SORCS3: variants seen among roughly 807,000 people sequenced by gnomAD.
The protein encoded by SORCS3 is sortilin related VPS10 domain containing receptor 3.
SORCS3 carries 57 observed loss-of-function variants against 146.3 expected under a neutral mutation model. The observed-to-expected ratio is 0.39, with a 90% CI of 0.31 to 0.49. The LOEUF (loss-of-function observed/expected upper bound fraction) is 0.49, where lower values mean the gene tolerates loss of function less well. SORCS3 is among the 20% of genes least tolerant of loss of function. The pLI, the probability that SORCS3 is intolerant of heterozygous loss-of-function variation, is 0.92. For synonymous variants in SORCS3, 653 were observed against 618.5 expected (o/e 1.06, Z -0.83); for missense variants, 1,341 against 1,575.5 (o/e 0.85, Z 2.52).
rs1171831402 is a variant in SORCS3, at chr10:105,216,984, G to T, written c.2596G>T (p.Ala866Ser). 3.1e-6 allele frequency: 5 copies of T among 1,614,190 alleles called. No individual in the cohort carries two copies. The highest frequency in any genetic ancestry group is 3.4e-6 in the Non-Finnish European group (4 of 1,180,032). Reference sequence around the variant, plus strand: ...CCAGCTTGACTTTGGGGATGGGATTGCTGTGTCCTACGCAAACTTCAGCCC... The same window carrying T: ...CCAGCTTGACTTTGGGGATGGGATTTCTGTGTCCTACGCAAACTTCAGCCC... ...NIQLDFGDGIAVSYANFSPIE... is the reference protein window; with the variant it reads ...NIQLDFGDGISVSYANFSPIE... Residue 866 changes from alanine (A) to serine (S), a missense_variant, in exon 19 of 27, where the codon GCT becomes TCT. Coordinates refer to ENST00000369701, the MANE Select transcript of SORCS3 (RefSeq NM_014978.3).
At chr10:104,779,217 AT>A (rs1196851723) in intron 1 of SORCS3, among the ~76,000 whole-genome samples, 3 of 152,216 alleles carry the variant, frequency 2.0e-5, no homozygotes, top group African/African-American at 7.2e-5. Context: ...TGCAAGACCC[AT>A]TCTGGACTTT....
chr10:105,096,958 A>G (rs935996018), intron 6 of SORCS3, among the ~76,000 whole-genome samples: 1 of 152,180 alleles, frequency 6.6e-6, no homozygotes, highest in Non-Finnish European at 1.5e-5. Context: ...TCACTTTTCT[A>G]TTTACTTTTA....
chr10:104,987,095 C>A (rs766789188), intron 4 of SORCS3, among the ~76,000 whole-genome samples: 10 of 151,586 alleles, frequency 6.6e-5, no homozygotes, highest in Non-Finnish European at 1.5e-4. Context: ...TAAATATATA[C>A]AACTGCGTAC....
chr10:105,235,031 A>G (rs1664554387), intron 20 of SORCS3, among the ~76,000 whole-genome samples: 1 of 152,056 alleles, frequency 6.6e-6, no homozygotes, highest in African/African-American at 2.4e-5. Flanking sequence ...TCAACCTGTG[A>G]TTAGTTCTCA....
chr10:105,243,233 A>G (rs1036570807), intron 20 of SORCS3, among the ~76,000 whole-genome samples: 3 of 151,728 alleles, frequency 2.0e-5, no homozygotes, highest in Non-Finnish European at 4.4e-5. Context: ...CCATTTGTCA[A>G]TGCAACATTC....
At chr10:105,056,316 TA>T (rs555666076) in intron 5 of SORCS3, among the ~76,000 whole-genome samples, 4 of 152,206 alleles carry the variant, frequency 2.6e-5, no homozygotes, top group Non-Finnish European at 5.9e-5. Context: ...TTCTACTCAG[TA>T]AGTGCCTTCT....
intron 4 of SORCS3, among the ~76,000 whole-genome samples, chr10:104,981,978 T>C (rs376271965): frequency 6.8e-4 from 104 of 152,308 alleles, no homozygotes; most frequent in African/African-American, 2.4e-3. Context: ...GAATTGCCCA[T>C]AATTTTGATG....
At chr10:105,102,129 G>A (rs957042624) in intron 6 of SORCS3, among the ~76,000 whole-genome samples, 2 of 152,182 alleles carry the variant, frequency 1.3e-5, no homozygotes, top group Non-Finnish European at 2.9e-5. Context: ...TTGCTACAGG[G>A]TCAGGGAATG....
rs1376209468 is a variant in SORCS3, at chr10:104,742,100, G to A, written c.627+100146G>A. Reference sequence around the variant, plus strand: ...GCAGGCTTTCTCTTATATCATGATAGTGGTGGGGGACAGGGGAGGGGAGGT... The same window carrying A: ...GCAGGCTTTCTCTTATATCATGATAATGGTGGGGGACAGGGGAGGGGAGGT... On this transcript the variant is annotated intron_variant, in intron 1 of 26. Transcript: ENST00000369701. Among the ~76,000 whole-genome samples, 3 of 151,954 alleles carry A rather than the reference G, an allele frequency of 2.0e-5. No homozygotes were observed. The East Asian group carries it at 5.8e-4, about 29-fold the overall frequency.
At chr10:105,162,329 C>T (rs1290686318) in intron 11 of SORCS3, among the ~76,000 whole-genome samples, 1 of 152,156 alleles carries the variant, frequency 6.6e-6, no homozygotes, top group Admixed American at 6.5e-5. Flanking sequence ...ACTCTCCCTC[C>T]TCTCTCATCA....
At chr10:105,083,553 T>A (rs2055639471) in intron 5 of SORCS3, among the ~76,000 whole-genome samples, 1 of 152,136 alleles carries the variant, frequency 6.6e-6, no homozygotes, top group South Asian at 2.1e-4. Flanking sequence ...CTCTTACACA[T>A]GCCTCACCTC....
chr10:104,902,872 G>T (rs1223129852), intron 2 of SORCS3, among the ~76,000 whole-genome samples: 1 of 152,178 alleles, frequency 6.6e-6, no homozygotes, highest in East Asian at 1.9e-4. Flanking sequence ...GTTGCTAGTA[G>T]GTAGGAGAGC....
chr10:104,819,742 T>C (rs750164231), intron 1 of SORCS3, among the ~76,000 whole-genome samples: 2 of 152,204 alleles, frequency 1.3e-5, no homozygotes, highest in Non-Finnish European at 2.9e-5. Flanking sequence ...AACTAGGGCC[T>C]GACATCTAAG....
chr10:104,854,884 GT>G (rs1421950242), intron 2 of SORCS3, among the ~76,000 whole-genome samples: 1 of 152,070 alleles, frequency 6.6e-6, no homozygotes, highest in Admixed American at 6.5e-5. Context: ...ACTTTTTTGT[GT>G]ATCAATACTT....
At chr10:104,985,913 G>A (rs772819398) in intron 4 of SORCS3, among the ~76,000 whole-genome samples, 3 of 152,182 alleles carry the variant, frequency 2.0e-5, no homozygotes, top group Non-Finnish European at 4.4e-5. Context: ...CATTTATAGA[G>A]CACAGGCAGA....
chr10:104,814,004 T>A (rs1030864295), intron 1 of SORCS3, among the ~76,000 whole-genome samples: 3 of 151,598 alleles, frequency 2.0e-5, no homozygotes, highest in African/African-American at 7.3e-5. Flanking sequence ...TTTCCCCCTA[T>A]TCCAGAGTCA....
chr10:105,022,771 C>T (rs138469516), intron 4 of SORCS3, among the ~76,000 whole-genome samples: 129 of 152,126 alleles, frequency 8.5e-4, no homozygotes, highest in African/African-American at 3.0e-3. Context: ...CCAGTAAGCC[C>T]AAAATGAGTT....
At chr10:105,075,325 G>C (rs985646154) in intron 5 of SORCS3, among the ~76,000 whole-genome samples, 7 of 152,166 alleles carry the variant, frequency 4.6e-5, no homozygotes, top group Non-Finnish European at 8.8e-5. Context: ...CTGTGGAATG[G>C]GAGCAATGAT....
chr10:104,655,366 A>T (rs955401036), intron 1 of SORCS3, among the ~76,000 whole-genome samples: 1 of 151,966 alleles, frequency 6.6e-6, no homozygotes. Flanking sequence ...TTATTTTGTC[A>T]TGCAGGTATT....
Sources: allele counts gnomAD v4.1 joint callset (sites outside exome capture counted in the v4.1 genomes callset), GRCh38; gene constraint gnomAD v4.1.1; transcripts MANE v1.5; gene names NCBI Gene and HGNC (gene_info 2026-07-23, HGNC 2026-07-21).